CSNK1G1: variants seen among roughly 807,000 people sequenced by gnomAD.
The protein encoded by CSNK1G1 is casein kinase 1 gamma 1.
Under a neutral mutation model 59.6 loss-of-function variants are expected in CSNK1G1, and 22 were observed. The ratio of observed to expected loss-of-function variants is 0.37; its 90% confidence interval spans 0.26 to 0.53. The LOEUF is 0.53. CSNK1G1 is among the 20% of genes least tolerant of loss of function. The probability of loss-of-function intolerance (pLI) is 0.89; values close to 1 mark genes in which losing one functional copy is unlikely to be tolerated. For synonymous variants in CSNK1G1, 179 were observed against 177.1 expected, an observed-to-expected ratio of 1.01 and a Z score of -0.08; for missense variants, 384 against 519.5, an observed-to-expected ratio of 0.74 and a Z score of 2.54.
intron 3 of CSNK1G1, among the ~76,000 whole-genome samples, chr15:64,252,240 T>C (rs1566920383): frequency 6.6e-6 from 1 of 151,932 alleles, no homozygotes; most frequent in Non-Finnish European, 1.5e-5. Context: ...TGGCGGTAAA[T>C]AAACGTGTAT....
At chr15:64,174,177 T>C (rs560578852) in intron 11 of CSNK1G1, among the ~76,000 whole-genome samples, 2 of 152,324 alleles carry the variant, frequency 1.3e-5, no homozygotes, top group South Asian at 4.1e-4. Context: ...CCATTTCAAA[T>C]TGTACAATGA....
At chr15:64,198,420 G>C (rs2082064019) in intron 10 of CSNK1G1, among the ~76,000 whole-genome samples, 1 of 151,620 alleles carries the variant, frequency 6.6e-6, no homozygotes, top group South Asian at 2.1e-4. Context: ...TGGCCAGGCT[G>C]GTCTCGAACT....
At chr15:64,263,487 T>A (rs1192466090) in intron 2 of CSNK1G1, among the ~76,000 whole-genome samples, 1 of 152,182 alleles carries the variant, frequency 6.6e-6, no homozygotes, top group Non-Finnish European at 1.5e-5. Flanking sequence ...GCTCCCAGGC[T>A]CAGTGTGCAA....
intron 2 of CSNK1G1, among the ~76,000 whole-genome samples, chr15:64,261,272 C>T (rs1235967685): frequency 6.6e-6 from 1 of 152,148 alleles, no homozygotes; most frequent in Non-Finnish European, 1.5e-5. Context: ...GACAGCTCTT[C>T]CTGAAATGAA....
chr15:64,238,518 A>AAAAAAAAAATATATATATATATATAT (rs1555396879), intron 4 of CSNK1G1, among the ~76,000 whole-genome samples: 1 of 49,246 alleles, frequency 2.0e-5, no homozygotes, highest in Non-Finnish European at 3.2e-5. Flanking sequence ...AAAAAAAAAA[A>AAAAAAAAAATATATATATATATATAT]ATATATATAT....
chr15:64,290,063 G>T (rs1485420207), intron 2 of CSNK1G1, among the ~76,000 whole-genome samples: 1 of 152,080 alleles, frequency 6.6e-6, no homozygotes, highest in Non-Finnish European at 1.5e-5. Context: ...AAAAATAAAA[G>T]ATGTTGGCAT....
intron 2 of CSNK1G1, among the ~76,000 whole-genome samples, chr15:64,294,178 T>G (rs2052215889): frequency 6.6e-6 from 1 of 152,136 alleles, no homozygotes. Context: ...GTTCAACTGG[T>G]TCTCCTGTCT....
At chr15:64,303,258 A>C (rs1043272894) in intron 1 of CSNK1G1, among the ~76,000 whole-genome samples, 1 of 148,034 alleles carries the variant, frequency 6.8e-6, no homozygotes, top group Non-Finnish European at 1.5e-5. Flanking sequence ...AAAAACAAAA[A>C]AAAAATTAAA....
chr15:64,325,091 A>C (rs950909351), intron 1 of CSNK1G1, among the ~76,000 whole-genome samples: 1 of 152,198 alleles, frequency 6.6e-6, no homozygotes, highest in African/African-American at 2.4e-5. Context: ...TTAATAAAGA[A>C]TTCTTTTGTT....
At chr15:64,181,447 A>T in intron 10 of CSNK1G1, 1 of 1,508,384 alleles carries the variant, frequency 6.6e-7, no homozygotes, top group Non-Finnish European at 8.8e-7. Flanking sequence ...CATGGGAGAG[A>T]ACACAAAATA....
At chr15:64,204,653 AAGC>A in intron 8 of CSNK1G1, 64 bp from the exon 9 acceptor site, 1 of 1,533,264 alleles carries the variant, frequency 6.5e-7, no homozygotes, top group Non-Finnish European at 8.9e-7. Context: ...AGTTGTGGGG[AAGC>A]ATTGGGCCAC....
At chr15:64,199,250 C>CAAAAAA (rs56819260) in intron 10 of CSNK1G1, among the ~76,000 whole-genome samples, 278 of 49,430 alleles carry the variant, frequency 5.6e-3, no homozygotes, top group Non-Finnish European at 7.9e-3. Flanking sequence ...AATCTTTTCT[C>CAAAAAA]AAAAAAAAAA....
Position 64,340,953 on chromosome 15 carries a change from G to A in CSNK1G1, c.-225+15035C>T, listed in dbSNP as rs1897652448. 2.0e-5 allele frequency among the ~76,000 whole-genome samples: 3 copies of A among 151,778 alleles called. No individual in the cohort carries two copies. In the South Asian group the frequency reaches 6.3e-4, roughly 32 times the overall value. Reference sequence around the variant, plus strand: ...AACCTGGGCAATAGAGTGAGGCACTGTCTCAAAAACACCACCACGTCCAGC... The same window carrying A: ...AACCTGGGCAATAGAGTGAGGCACTATCTCAAAAACACCACCACGTCCAGC... On this transcript the variant is annotated intron_variant, in intron 1 of 11. Coordinates refer to ENST00000303052, the MANE Select transcript of CSNK1G1 (RefSeq NM_022048.5).
chr15:64,231,705 C>G (rs2082552503), intron 4 of CSNK1G1, among the ~76,000 whole-genome samples: 1 of 152,004 alleles, frequency 6.6e-6, no homozygotes, highest in Admixed American at 6.6e-5. Context: ...ATACATGCCA[C>G]TCTCTCTATA....
chr15:64,336,744 T>C (rs2140467726), intron 1 of CSNK1G1, among the ~76,000 whole-genome samples: 1 of 152,328 alleles, frequency 6.6e-6, no homozygotes, highest in South Asian at 2.1e-4. Context: ...TAACAGTTCA[T>C]GGAAAACTCA....
intron 2 of CSNK1G1, among the ~76,000 whole-genome samples, chr15:64,278,795 G>A (rs1215473916): frequency 6.6e-6 from 1 of 152,176 alleles, no homozygotes; most frequent in Non-Finnish European, 1.5e-5. Flanking sequence ...AGAGTATAAT[G>A]AGAACTTCAT....
intron 2 of CSNK1G1, among the ~76,000 whole-genome samples, chr15:64,291,404 T>C (rs934308720): frequency 2.6e-5 from 4 of 151,982 alleles, no homozygotes; most frequent in African/African-American, 2.4e-5. Flanking sequence ...CTGGCCAACA[T>C]GGTGAAACCC....
chr15:64,324,124 G>A (rs1896712638), intron 1 of CSNK1G1, among the ~76,000 whole-genome samples: 2 of 152,134 alleles, frequency 1.3e-5, no homozygotes, highest in South Asian at 4.1e-4. Flanking sequence ...TTGACATCCT[G>A]ACTCAAAAGC....
At chr15:64,246,625 TAAA>T (rs771554925) in intron 4 of CSNK1G1, among the ~76,000 whole-genome samples, 2 of 84,552 alleles carry the variant, frequency 2.4e-5, no homozygotes, top group African/African-American at 1.2e-4. Context: ...TCCGTCTCTT[TAAA>T]AAAAAAAAAA....
Sources: allele counts gnomAD v4.1 joint callset (sites outside exome capture counted in the v4.1 genomes callset), GRCh38; gene constraint gnomAD v4.1.1; transcripts MANE v1.5; gene names NCBI Gene and HGNC (gene_info 2026-07-23, HGNC 2026-07-21).